The following TCF3 variants were observed in gnomAD, a reference collection of about 807,000 sequenced individuals.
TCF3 encodes the protein transcription factor 3, also known as transcription factor E2-alpha.
TCF3 carries 54 observed loss-of-function variants against 72.3 expected under a neutral mutation model. The ratio of observed to expected loss-of-function variants is 0.75; its 90% CI spans 0.60 to 0.94. The LOEUF (loss-of-function observed/expected upper bound fraction) is 0.94, where lower values mean the gene tolerates loss of function less well. TCF3 is among the 40% of genes least tolerant of loss of function. TCF3 has a pLI of 0.00. For missense variants in TCF3, 1,078 were observed against 934.4 expected (o/e 1.15, Z -2.00); for synonymous variants, 525 against 412.6 (o/e 1.27, Z -3.30).
chr19:1,652,226 C>G (rs2067237650), intron 1 of TCF3, 74 bp downstream of exon 1: 2 of 146,332 alleles, frequency 1.4e-5, no homozygotes, highest in African/African-American at 5.0e-5. Flanking sequence ...CAAGCGCGCG[C>G]GGGGCGGGCC....
chr19:1,633,204 G>A (rs143726393), intron 3 of TCF3, among the ~76,000 whole-genome samples: 2,964 of 152,286 alleles, frequency 0.019, 42 homozygotes, highest in Middle Eastern at 0.048. Context: ...CCCTTCCATC[G>A]GGGGCCACAG....
Position 1,615,895 on chromosome 19 carries a change from GTGAGGGACT to G in TCF3, c.1451-83_1451-75del. The G allele has an allele frequency of 2.0e-6, 3 of 1,470,310 alleles. No individual in the cohort carries two copies. Among genetic ancestry groups the G allele is most frequent in the Non-Finnish European group, 1.8e-6 (2 of 1,112,098 alleles). 91.1% of individuals were successfully genotyped at this position (1,470,310 alleles called of 1,614,324 possible). On this transcript the variant is annotated intron_variant, in intron 16 of 18. Transcript: ENST00000262965. This position sits in a 1 kb window ranked among gnomAD's most constrained non-coding sequence, Gnocchi z 7.3. ...TGACATATCTCTTTGTGCTCCTGTG[GTGAGGGACT>G]TGGGCTTTCCTGGAAAAACCAGGTC...
At position 1,648,829 on chromosome 19, in the gene TCF3, G is replaced by C. The variant is rs371199784; in HGVS notation, c.72+1348C>G. 1.2e-3 allele frequency among the ~76,000 whole-genome samples: 182 copies of C among 147,864 alleles called. 4 individuals are homozygous for C. Among genetic ancestry groups the C allele is most frequent in the African/African-American group, 4.2e-3 (170 of 40,150 alleles). On this transcript the variant is annotated intron_variant, in intron 2 of 18. Transcript: ENST00000262965. ...CTGCCACTGGGCATGGGGGGGGGGG[G>C]GGAGCAGAATTTAAGGACATCTGTA...
chr19:1,615,526 G>A lies in TCF3; in HGVS notation c.1587-6C>T, dbSNP rs2061459539. 6.2e-7 allele frequency: 1 copy of A among 1,606,738 alleles called. No individual in the cohort carries two copies. The highest frequency in any genetic ancestry group is 8.5e-7 in the Non-Finnish European group (1 of 1,179,814). On this transcript the variant is annotated splice_region_variant and splice_polypyrimidine_tract_variant and intron_variant, in intron 17 of 18. Transcript: ENST00000262965. This position sits in a 1 kb window ranked among gnomAD's most constrained non-coding sequence, Gnocchi z 7.3. Reference sequence around the variant, plus strand: ...CGTCCTCGTCCTCGTCTGGGCTATGGGGAGGGCGCCGGGAGGGGGCCAGAG... The same window carrying A: ...CGTCCTCGTCCTCGTCTGGGCTATGAGGAGGGCGCCGGGAGGGGGCCAGAG...
chr19:1,649,449 G>A (rs1003891803), intron 2 of TCF3, among the ~76,000 whole-genome samples: 4 of 152,142 alleles, frequency 2.6e-5, no homozygotes, highest in African/African-American at 9.7e-5. Flanking sequence ...TTACTCTATC[G>A]CCCAGGAAGG....
At chr19:1,621,600 C>T (rs920252358) in intron 11 of TCF3, among the ~76,000 whole-genome samples, 2 of 152,186 alleles carry the variant, frequency 1.3e-5, no homozygotes, top group Admixed American at 1.3e-4. Flanking sequence ...CCTCTCTGAG[C>T]CTCTTTCCCA....
chr19:1,645,390 G>A (rs1354901361), intron 3 of TCF3, among the ~76,000 whole-genome samples: 5 of 151,136 alleles, frequency 3.3e-5, no homozygotes, highest in East Asian at 3.9e-4. Context: ...AGCCTGGGCC[G>A]CCCAAATGCA....
chr19:1,633,760 C>T (rs2064027202), intron 3 of TCF3, among the ~76,000 whole-genome samples: 1 of 152,158 alleles, frequency 6.6e-6, no homozygotes, highest in Admixed American at 6.5e-5. Context: ...ACACGGCATT[C>T]GCTGCCAGGT....
At chr19:1,629,322 G>A (rs541189565) in intron 5 of TCF3, among the ~76,000 whole-genome samples, 138 of 150,628 alleles carry the variant, frequency 9.2e-4, no homozygotes, top group African/African-American at 2.9e-3. Flanking sequence ...CAGGTTCACC[G>A]CACAGGCTCC....
chr19:1,647,489 C>G (rs1179539984), intron 2 of TCF3, among the ~76,000 whole-genome samples: 1 of 152,220 alleles, frequency 6.6e-6, no homozygotes, highest in Non-Finnish European at 1.5e-5. Context: ...CCCCCACTCC[C>G]TGGTCCTGCA....
intron 3 of TCF3, among the ~76,000 whole-genome samples, chr19:1,645,509 G>A (rs1396346797): frequency 3.3e-5 from 5 of 151,088 alleles, no homozygotes; most frequent in African/African-American, 1.2e-4. Context: ...ACCGCAGGGC[G>A]TCCGTACGGG....
At chr19:1,612,242 A>G (rs909954292) in intron 18 of TCF3, 1 of 1,604,702 alleles carries the variant, frequency 6.2e-7, no homozygotes, top group Non-Finnish European at 8.5e-7. Flanking sequence ...GATGACCTGC[A>G]CGGCCTGCTG....
At chr19:1,640,829 T>C (rs1265229566) in intron 3 of TCF3, among the ~76,000 whole-genome samples, 4 of 143,474 alleles carry the variant, frequency 2.8e-5, no homozygotes, top group Non-Finnish European at 6.0e-5. Context: ...GTGATGTAAA[T>C]TGTTGTATTA....
intron 3 of TCF3, among the ~76,000 whole-genome samples, chr19:1,636,325 A>C (rs937216960): frequency 6.6e-6 from 1 of 151,880 alleles, no homozygotes; most frequent in African/African-American, 2.4e-5. Context: ...ACGCACAGCT[A>C]ATTTTTGTAT....
intron 3 of TCF3, among the ~76,000 whole-genome samples, chr19:1,638,280 G>A (rs2064742623): frequency 6.6e-6 from 1 of 152,210 alleles, no homozygotes; most frequent in South Asian, 2.1e-4. Context: ...AGCCCTCACA[G>A]TAAGTAGCAA....
intron 3 of TCF3, among the ~76,000 whole-genome samples, chr19:1,633,482 A>T (rs1331403654): frequency 6.6e-6 from 1 of 151,346 alleles, no homozygotes; most frequent in Non-Finnish European, 1.5e-5. Context: ...CTCCCTGCTC[A>T]TCCACACCAG....
chr19:1,627,673 CAAG>C (rs995773128), intron 5 of TCF3, among the ~76,000 whole-genome samples: 1 of 152,106 alleles, frequency 6.6e-6, no homozygotes, highest in Non-Finnish European at 1.5e-5. Context: ...GGCTTGGGGA[CAAG>C]AAGGGGTCCC....
At chr19:1,620,279 T>A (rs2062025500) in intron 13 of TCF3, among the ~76,000 whole-genome samples, 1 of 152,104 alleles carries the variant, frequency 6.6e-6, no homozygotes, top group Non-Finnish European at 1.5e-5. Flanking sequence ...GGGGCAGAGA[T>A]GAGGACTCAC....
At chr19:1,617,646 G>A (rs922051325) in intron 16 of TCF3, among the ~76,000 whole-genome samples, 2 of 152,186 alleles carry the variant, frequency 1.3e-5, no homozygotes, top group African/African-American at 2.4e-5. Flanking sequence ...TGCTCCAATC[G>A]GCCAACGCCA....
Sources: allele counts gnomAD v4.1 joint callset (sites outside exome capture counted in the v4.1 genomes callset), GRCh38; gene constraint gnomAD v4.1.1; non-coding constraint Gnocchi (gnomAD v3.1); transcripts MANE v1.5; gene names NCBI Gene and HGNC (gene_info 2026-07-23, HGNC 2026-07-21).